SEC22A: variants seen among roughly 807,000 people sequenced by gnomAD.
The protein encoded by SEC22A is SEC22 homolog A, vesicle trafficking protein.
SEC22A carries 22 observed loss-of-function variants against 35.3 expected under a neutral mutation model. That is an observed-to-expected ratio of 0.62 (90% confidence interval 0.45 to 0.89). The LOEUF (loss-of-function observed/expected upper bound fraction) is 0.89, where lower values mean the gene tolerates loss of function less well. Among genes scored for constraint, SEC22A ranks in the 40% least tolerant of loss-of-function variants. The pLI is 0.00. For synonymous variants in SEC22A, 119 were observed against 129.5 expected (o/e 0.92, Z 0.55); for missense variants, 354 against 362.5 (o/e 0.98, Z 0.19).
intron 2 of SEC22A, among the ~76,000 whole-genome samples, chr3:123,221,831 CAT>C (rs1333465778): frequency 6.6e-6 from 1 of 152,132 alleles, no homozygotes; most frequent in Non-Finnish European, 1.5e-5. Flanking sequence ...CACCTGTTCC[CAT>C]AGTCACCTTT....
chr3:123,226,514 G>T (rs62262563), intron 4 of SEC22A, among the ~76,000 whole-genome samples: 25,211 of 152,108 alleles, frequency 0.17, 2,343 homozygotes, highest in Middle Eastern at 0.27. Context: ...TGTCTATTCA[G>T]ATCTTTTGCC....
At chr3:123,231,931 A>G (rs1424113741) in intron 4 of SEC22A, among the ~76,000 whole-genome samples, 2 of 152,120 alleles carry the variant, frequency 1.3e-5, no homozygotes, top group Admixed American at 6.6e-5. Flanking sequence ...GACCCAGAAA[A>G]TAATTACTCA....
intron 2 of SEC22A, among the ~76,000 whole-genome samples, chr3:123,220,873 T>TATATATATATATATATATATATATAA (rs1937109403): frequency 8.4e-6 from 1 of 118,454 alleles, no homozygotes; most frequent in Non-Finnish European, 1.8e-5. Flanking sequence ...GTCTCATATA[T>TATATATATATATATATATATATATAA]ATATATACAT....
chr3:123,246,651 CTT>C (rs1381755176), intron 5 of SEC22A, among the ~76,000 whole-genome samples: 1 of 152,142 alleles, frequency 6.6e-6, no homozygotes, highest in Non-Finnish European at 1.5e-5. Flanking sequence ...AATTTTTTCT[CTT>C]ATGCTTTTTG....
intron 5 of SEC22A, among the ~76,000 whole-genome samples, chr3:123,251,309 A>G (rs1472819039): frequency 6.6e-6 from 1 of 152,156 alleles, no homozygotes; most frequent in Non-Finnish European, 1.5e-5. Context: ...TTTTATTAGT[A>G]GGTCATTTAT....
intron 2 of SEC22A, among the ~76,000 whole-genome samples, chr3:123,217,560 G>T (rs1559752430): frequency 1.3e-5 from 2 of 152,082 alleles, no homozygotes; most frequent in East Asian, 3.9e-4. Flanking sequence ...ATTAGAGATG[G>T]TATGTCCTAT....
intron 4 of SEC22A, chr3:123,243,801 T>G (rs1937545431): frequency 6.6e-6 from 1 of 152,254 alleles, no homozygotes; most frequent in Non-Finnish European, 1.5e-5. Flanking sequence ...GGTTTATTCT[T>G]ACTTCTTTAG....
intron 4 of SEC22A, among the ~76,000 whole-genome samples, chr3:123,234,744 T>C (rs904066157): frequency 5.3e-5 from 8 of 152,126 alleles, no homozygotes; most frequent in Non-Finnish European, 7.4e-5. Flanking sequence ...AAAAATAGGC[T>C]GGGCTCAGTG....
At chr3:123,238,095 A>G (rs1937451266) in intron 4 of SEC22A, among the ~76,000 whole-genome samples, 1 of 152,134 alleles carries the variant, frequency 6.6e-6, no homozygotes, top group Non-Finnish European at 1.5e-5. Flanking sequence ...TTGAGGCTGC[A>G]GTGAGCCTTG....
chr3:123,254,338 G>A (rs528796028), intron 5 of SEC22A, among the ~76,000 whole-genome samples: 127 of 152,178 alleles, frequency 8.3e-4, no homozygotes, highest in Non-Finnish European at 1.5e-3. Flanking sequence ...ATCTTTAAAA[G>A]AAAATGTCCT....
intron 4 of SEC22A, among the ~76,000 whole-genome samples, chr3:123,225,674 C>T (rs1176689482): frequency 6.6e-6 from 1 of 152,124 alleles, no homozygotes; most frequent in Non-Finnish European, 1.5e-5. Flanking sequence ...TCACCTCAAG[C>T]ATTTATTATT....
intron 3 of SEC22A, among the ~76,000 whole-genome samples, chr3:123,224,132 G>T (rs916820917): frequency 1.3e-5 from 2 of 152,156 alleles, no homozygotes; most frequent in South Asian, 2.1e-4. Flanking sequence ...ATTCAGCCCT[G>T]CCGTTGTAGC....
At chr3:123,229,699 C>T (rs983836834) in intron 4 of SEC22A, among the ~76,000 whole-genome samples, 1 of 151,626 alleles carries the variant, frequency 6.6e-6, no homozygotes, top group Non-Finnish European at 1.5e-5. Context: ...CCGTCTCTAC[C>T]TAAAATACAA....
At position 123,203,053 on chromosome 3, in the gene SEC22A, C is replaced by CTTTTTTTTTTTTTTTTTTTTT. The variant is rs779433710; in HGVS notation, c.-20+1081_-20+1101dup. ...GAAAACCATCACATCTGTTTAGTGCCTTTTTTTTTTTTTTTTTTTTTTTTT... is the reference window on the plus strand; with the variant it reads ...GAAAACCATCACATCTGTTTAGTGCCTTTTTTTTTTTTTTTTTTTTTTTTTTTTTTTTTTTTTTTTTTTTTT... On this transcript the variant is annotated intron_variant, in intron 1 of 6. Coordinates refer to ENST00000492595, the MANE Select transcript of SEC22A (RefSeq NM_012430.5). 3.4e-4 allele frequency among the ~76,000 whole-genome samples: 15 copies of CTTTTTTTTTTTTTTTTTTTTT among 43,838 alleles called. 3 individuals carry two copies. Among genetic ancestry groups the CTTTTTTTTTTTTTTTTTTTTT allele is most frequent in the African/African-American group, 1.2e-3 (11 of 9,430 alleles). The allele number at this position is 43,838 out of a possible 152,430, so 28.8% of individuals were successfully genotyped here.
Position 123,233,724 on chromosome 3 carries a change from A to G in SEC22A, c.541+8427A>G, listed in dbSNP as rs145426912. 9.8e-5 allele frequency among the ~76,000 whole-genome samples: 15 copies of G among 152,318 alleles called. No homozygotes were observed. The East Asian group carries it at 2.9e-3, about 29-fold the overall frequency. ...AACTTGATAAAAGTCCCTTATGGAA[A>G]ACCCACAACTAACATTATATCTAAT... On this transcript the variant is annotated intron_variant, in intron 4 of 6. Coordinates refer to ENST00000492595, the MANE Select transcript of SEC22A (RefSeq NM_012430.5).
chr3:123,242,441 A>G (rs1248446367), intron 4 of SEC22A, among the ~76,000 whole-genome samples: 2 of 151,680 alleles, frequency 1.3e-5, no homozygotes, highest in African/African-American at 4.8e-5. Context: ...GCCACATCTA[A>G]TTAGTTGCCA....
At chr3:123,253,380 T>C (rs530964799) in intron 5 of SEC22A, among the ~76,000 whole-genome samples, 2 of 152,314 alleles carry the variant, frequency 1.3e-5, no homozygotes, top group South Asian at 2.1e-4. Flanking sequence ...TTATTTCTTA[T>C]CTTCTTTCCC....
chr3:123,217,115 C>T (rs1055586651), intron 2 of SEC22A, among the ~76,000 whole-genome samples: 30 of 152,248 alleles, frequency 2.0e-4, no homozygotes, highest in South Asian at 1.7e-3. Context: ...AGGTGTGAGC[C>T]GCTGCACCTG....
At chr3:123,237,843 G>T (rs1937447622) in intron 4 of SEC22A, among the ~76,000 whole-genome samples, 2 of 149,730 alleles carry the variant, frequency 1.3e-5, no homozygotes, top group African/African-American at 2.5e-5. Context: ...GGAGAGTCTG[G>T]TATTTGTTAT....
Sources: gnomAD v4.1 joint callset for allele counts (sites outside exome capture counted in the v4.1 genomes callset) on GRCh38, gnomAD v4.1.1 for gene constraint, MANE v1.5 for transcripts, NCBI Gene and HGNC (gene_info 2026-07-23, HGNC 2026-07-21) for gene names.